The following GRAMD2B variants were observed in gnomAD, a reference collection of about 807,000 sequenced individuals.
GRAMD2B encodes GRAM domain containing 2B.
GRAMD2B carries 41 observed loss-of-function variants against 59.2 expected under a neutral mutation model. That is an observed-to-expected ratio of 0.69 (90% CI 0.54 to 0.90). GRAMD2B has a LOEUF of 0.90. GRAMD2B is among the 40% of genes least tolerant of loss of function. GRAMD2B has a pLI of 0.00. For synonymous variants in GRAMD2B, 161 were observed against 182.7 expected (o/e 0.88, Z 0.96); for missense variants, 424 against 500.5 (o/e 0.85, Z 1.46).
At chr5:126,376,915 A>C (rs921431248) in intron 1 of GRAMD2B, among the ~76,000 whole-genome samples, 6 of 151,904 alleles carry the variant, frequency 3.9e-5, no homozygotes, top group Non-Finnish European at 8.8e-5. Context: ...AACAAATTGC[A>C]CCAGGATATA....
upstream of GRAMD2B, chr5:126,423,406 A>C (rs1759976821): frequency 7.3e-7 from 1 of 1,369,870 alleles, no homozygotes; most frequent in Non-Finnish European, 9.4e-7. Context: ...AGTGGGTCGG[A>C]CCAATCGCGC....
At chr5:126,461,069 A>G (rs1767266285) in intron 1 of GRAMD2B, among the ~76,000 whole-genome samples, 1 of 152,186 alleles carries the variant, frequency 6.6e-6, no homozygotes. Context: ...CATCACTGTA[A>G]TTAGAAGGGA....
chr5:126,476,046 T>A (rs934264094), intron 5 of GRAMD2B, among the ~76,000 whole-genome samples: 4 of 152,026 alleles, frequency 2.6e-5, no homozygotes, highest in Non-Finnish European at 4.4e-5. Flanking sequence ...GGGTGGAGGT[T>A]GCGGTGAGCC....
At chr5:126,437,954 G>T (rs755684904) in intron 1 of GRAMD2B, among the ~76,000 whole-genome samples, 11 of 152,168 alleles carry the variant, frequency 7.2e-5, no homozygotes, top group South Asian at 2.1e-4. Flanking sequence ...TCAGTGCCTG[G>T]CTTGCATCAC....
intron 1 of GRAMD2B, among the ~76,000 whole-genome samples, chr5:126,428,665 T>C (rs1178952325): frequency 1.3e-5 from 2 of 152,210 alleles, no homozygotes; most frequent in South Asian, 4.1e-4. Context: ...TTTCATCATC[T>C]ATAATGGGGA....
chr5:126,375,828 T>C (rs1425319074), intron 1 of GRAMD2B, among the ~76,000 whole-genome samples: 1 of 152,240 alleles, frequency 6.6e-6, no homozygotes, highest in Non-Finnish European at 1.5e-5. Flanking sequence ...ATTAAAAGTT[T>C]CCTTCTAGTT....
At chr5:126,375,159 T>C (rs1755068853) in intron 1 of GRAMD2B, among the ~76,000 whole-genome samples, 1 of 152,198 alleles carries the variant, frequency 6.6e-6, no homozygotes, top group Non-Finnish European at 1.5e-5. Context: ...ATTTTACACC[T>C]TTGTTGTTAT....
At chr5:126,406,530 C>G (rs550409719) in intron 1 of GRAMD2B, among the ~76,000 whole-genome samples, 1 of 151,852 alleles carries the variant, frequency 6.6e-6, no homozygotes, top group African/African-American at 2.4e-5. Flanking sequence ...CCTTCTCAGT[C>G]TACAGCCCCA....
intron 1 of GRAMD2B, among the ~76,000 whole-genome samples, chr5:126,389,096 G>A (rs938033135): frequency 1.3e-5 from 2 of 151,622 alleles, no homozygotes; most frequent in Admixed American, 1.3e-4. Flanking sequence ...GTAGTTAAGA[G>A]CCCCAACTTC....
chr5:126,370,646 A>G (rs1341488527), upstream of GRAMD2B, among the ~76,000 whole-genome samples: 2 of 152,176 alleles, frequency 1.3e-5, no homozygotes, highest in African/African-American at 4.8e-5. Context: ...TCTCCTACGT[A>G]TTTCATTCTA....
At chr5:126,489,729 A>G (rs530221491) in intron 13 of GRAMD2B, among the ~76,000 whole-genome samples, 22 of 152,286 alleles carry the variant, frequency 1.4e-4, no homozygotes, top group Non-Finnish European at 2.5e-4. Context: ...CCTGATTTAC[A>G]TGTCTTATTT....
At chr5:126,477,568 C>A in intron 5 of GRAMD2B, 124 bp from the exon 6 acceptor site, 1 of 709,362 alleles carries the variant, frequency 1.4e-6, no homozygotes, top group South Asian at 1.6e-5. Context: ...TTCATGGAGG[C>A]TGGAGAGCTT....
In GRAMD2B at chr5:126,384,573, T is replaced by A. The variant is rs73332452; in HGVS notation, c.125+13006T>A. Among the ~76,000 whole-genome samples, 643 of 152,364 alleles carry A rather than the reference T, an allele frequency of 4.2e-3. 3 individuals are homozygous for A. Among genetic ancestry groups the A allele is most frequent in the African/African-American group, 0.014 (599 of 41,592 alleles). ...CTCCTGTTTGGAGGGAAAAGAAATC[T>A]GGAAGCAGGAATGGGGAAGTAGAAC... On this transcript the variant is annotated intron_variant, in intron 1 of 8. Coordinates refer to the GRAMD2B transcript ENST00000506445.
chr5:126,466,950 C>T (rs1175314823), intron 2 of GRAMD2B, among the ~76,000 whole-genome samples: 2 of 152,172 alleles, frequency 1.3e-5, no homozygotes, highest in Admixed American at 6.5e-5. Context: ...AGGGCCCACA[C>T]TTGGTTTAAT....
At chr5:126,464,610 A>G (rs771258590) in intron 1 of GRAMD2B, among the ~76,000 whole-genome samples, 2 of 152,150 alleles carry the variant, frequency 1.3e-5, no homozygotes, top group African/African-American at 2.4e-5. Flanking sequence ...TCTTTTACCA[A>G]GGTCAGACCT....
At chr5:126,418,629 T>C (rs970320889), upstream of GRAMD2B, among the ~76,000 whole-genome samples, 2 of 152,256 alleles carry the variant, frequency 1.3e-5, no homozygotes, top group Non-Finnish European at 2.9e-5. Flanking sequence ...TCCTCCAGCA[T>C]AGAAGATTCC....
intron 1 of GRAMD2B, among the ~76,000 whole-genome samples, chr5:126,382,337 T>C (rs1316870006): frequency 6.6e-6 from 1 of 152,180 alleles, no homozygotes; most frequent in African/African-American, 2.4e-5. Context: ...TATTGTTAGG[T>C]TTGGTTGTTT....
chr5:126,484,492 C>T lies in GRAMD2B; in HGVS notation c.938C>T (p.Pro313Leu). ...GCAGATGCCCATGTGAACAGAGTAC[C>T]TGAAGGAAAAGCCAAGAGTCTCCCT... The part of the protein sequence containing the change: ...TRADAHVNRV[P>L]EGKAKSLPVQ... Residue 313 changes from proline (P) to leucine (L), a missense_variant, in exon 10 of 14, where the codon CCT (proline) becomes CTT (leucine). Transcript: ENST00000285689. The T allele has an allele frequency of 1.2e-6, 2 of 1,614,066 alleles. No homozygotes were observed. The highest frequency in any genetic ancestry group is 1.7e-6 in the Non-Finnish European group (2 of 1,179,980).
At chr5:126,401,151 T>G (rs954815232) in intron 1 of GRAMD2B, among the ~76,000 whole-genome samples, 5 of 152,072 alleles carry the variant, frequency 3.3e-5, no homozygotes, top group Non-Finnish European at 5.9e-5. Context: ...TCTTTCAATC[T>G]CCCTGGATTG....
Sources: gnomAD v4.1 joint callset for allele counts (sites outside exome capture counted in the v4.1 genomes callset) on GRCh38, gnomAD v4.1.1 for gene constraint, MANE v1.5 for transcripts, NCBI Gene and HGNC (gene_info 2026-07-23, HGNC 2026-07-21) for gene names.